The following ATP11B variants were observed in gnomAD, a reference collection of about 807,000 sequenced individuals.
The protein encoded by ATP11B is phospholipid-transporting ATPase IF.
ATP11B carries 81 observed loss-of-function variants against 157.8 expected under a neutral mutation model. The observed-to-expected ratio is 0.51, with a 90% CI of 0.43 to 0.62. The LOEUF is 0.62. Among genes scored for constraint, ATP11B ranks in the 20% least tolerant of loss-of-function variants. The probability of loss-of-function intolerance (pLI) is 0.00; values close to 1 mark genes in which losing one functional copy is unlikely to be tolerated. For missense variants in ATP11B, 1,165 were observed against 1,402.2 expected (o/e 0.83, Z 2.70); for synonymous variants, 451 against 469.4 (o/e 0.96, Z 0.51).
At chr3:182,907,166 C>T (rs1400480527) in intron 28 of ATP11B, among the ~76,000 whole-genome samples, 2 of 151,918 alleles carry the variant, frequency 1.3e-5, no homozygotes, top group East Asian at 3.9e-4. Context: ...ATAACCCTGA[C>T]AACCATTTCG....
chr3:182,793,707 TG>T lies in ATP11B; in HGVS notation c.-52del. On this transcript the variant is annotated 5_prime_UTR_variant, in exon 1 of 30. Coordinates refer to ENST00000323116, the MANE Select transcript of ATP11B (RefSeq NM_014616.3). ...CGCCTCTGTCTTGTCGGCCTCCACC[TG>T]CAGCCCCGCGGCCCCCGCGCCCCGC... The T allele has an allele frequency of 7.5e-7, 1 of 1,333,198 alleles. No homozygotes were observed. Among genetic ancestry groups the T allele is most frequent in the Non-Finnish European group, 9.9e-7 (1 of 1,009,800 alleles). The allele number at this position is 1,333,198 out of a possible 1,614,324, so 82.6% of individuals were successfully genotyped here.
At chr3:182,875,450 G>C (rs1490949520) in intron 19 of ATP11B, among the ~76,000 whole-genome samples, 2 of 152,022 alleles carry the variant, frequency 1.3e-5, no homozygotes, top group African/African-American at 2.4e-5. Flanking sequence ...GTTGTTGTTT[G>C]TTTGTTTTTT....
chr3:182,830,659 A>G (rs1252622170), intron 4 of ATP11B, among the ~76,000 whole-genome samples: 1 of 152,192 alleles, frequency 6.6e-6, no homozygotes, highest in Non-Finnish European at 1.5e-5. Context: ...ATAAGGCATA[A>G]ATTGACATGG....
chr3:182,869,571 AT>A (rs1269209004), intron 17 of ATP11B, among the ~76,000 whole-genome samples: 5 of 152,192 alleles, frequency 3.3e-5, no homozygotes, highest in Admixed American at 3.3e-4. Flanking sequence ...AAACTATGCT[AT>A]TTTAGAAGAG....
rs1247041686 is a variant in ATP11B at position 182,844,999 on chromosome 3, T to A, written c.705-459T>A. Among the ~76,000 whole-genome samples the A allele has an allele frequency of 3.9e-4, 46 of 117,986 alleles. 1 individual carries two copies. Among genetic ancestry groups the A allele is most frequent in the East Asian group, 1.3e-3 (6 of 4,794 alleles). The allele number at this position is 117,986 out of a possible 152,430, so 77.4% of individuals were successfully genotyped here. A position where few individuals can be genotyped will look rare whatever the true frequency, so the allele number is the denominator to read the frequency against. On this transcript the variant is annotated intron_variant, in intron 8 of 29. Transcript: ENST00000323116. ...TAGGCAGCCTTTTTTTTTTTATTTT[T>A]TTTTTTATTTTTTTTTATTTTTGAG...
At chr3:182,868,707 G>T (rs1721425321) in intron 15 of ATP11B, among the ~76,000 whole-genome samples, 1 of 152,174 alleles carries the variant, frequency 6.6e-6, no homozygotes, top group Non-Finnish European at 1.5e-5. Flanking sequence ...ATGGAGCTGG[G>T]CAGATCTGGA....
chr3:182,914,393 A>G (rs904160588), intron 29 of ATP11B: 13 of 986,446 alleles, frequency 1.3e-5, no homozygotes, highest in African/African-American at 1.7e-5. Flanking sequence ...TAATCTCAAC[A>G]TAACAGTGAA....
chr3:182,814,134 C>T (rs2108493277), intron 1 of ATP11B, among the ~76,000 whole-genome samples: 1 of 152,208 alleles, frequency 6.6e-6, no homozygotes, highest in African/African-American at 2.4e-5. Context: ...GCAATCTTGG[C>T]TCACTTGCAA....
At chr3:182,866,539 G>A (rs895155338) in intron 14 of ATP11B, 96 bp downstream of exon 14, 29 of 1,034,916 alleles carry the variant, frequency 2.8e-5, no homozygotes, top group East Asian at 1.5e-4. Context: ...ACATAAATTC[G>A]TCATTTTAAG....
intron 1 of ATP11B, among the ~76,000 whole-genome samples, chr3:182,807,250 G>T (rs111473318): frequency 6.6e-6 from 1 of 152,038 alleles, no homozygotes; most frequent in Non-Finnish European, 1.5e-5. Flanking sequence ...TCTTAAATCT[G>T]CCTGAAAGTG....
chr3:182,858,580 A>G (rs2108533303), intron 11 of ATP11B, among the ~76,000 whole-genome samples: 1 of 152,284 alleles, frequency 6.6e-6, no homozygotes, highest in South Asian at 2.1e-4. Flanking sequence ...ATCTCAAGAA[A>G]CTACAAAGCA....
At chr3:182,830,287 C>A (rs1718033407) in intron 4 of ATP11B, among the ~76,000 whole-genome samples, 1 of 150,020 alleles carries the variant, frequency 6.7e-6, no homozygotes, top group South Asian at 2.1e-4. Flanking sequence ...TATGTCACTG[C>A]ACTCCCACCT....
intron 2 of ATP11B, among the ~76,000 whole-genome samples, chr3:182,824,879 A>G (rs1717610523): frequency 1.3e-5 from 2 of 152,210 alleles, no homozygotes; most frequent in African/African-American, 2.4e-5. Flanking sequence ...GTTAGCCACA[A>G]TTTTTAAAAT....
intron 24 of ATP11B, among the ~76,000 whole-genome samples, chr3:182,887,970 G>A (rs73054639): frequency 0.14 from 20,900 of 152,024 alleles, 1,758 homozygotes; most frequent in African/African-American, 0.24. Context: ...ACTTACTCTC[G>A]CAAACCAGTA....
intron 1 of ATP11B, among the ~76,000 whole-genome samples, chr3:182,814,520 A>T (rs902729041): frequency 6.6e-6 from 1 of 152,208 alleles, no homozygotes; most frequent in Non-Finnish European, 1.5e-5. Context: ...AGAATTTTAC[A>T]ATCTGAGCAG....
intron 22 of ATP11B, 152 bp from the exon 23 acceptor site, chr3:182,885,799 C>A (rs1722758130): frequency 2.2e-6 from 1 of 462,800 alleles, no homozygotes; most frequent in Non-Finnish European, 3.8e-6. Context: ...GGGAATCCTG[C>A]ATTCCTGTTA....
At chr3:182,877,460 A>G (rs369123718) in intron 19 of ATP11B, among the ~76,000 whole-genome samples, 22 of 152,292 alleles carry the variant, frequency 1.4e-4, no homozygotes, top group Admixed American at 7.9e-4. Flanking sequence ...TGGGCAACAT[A>G]GTGAAACCCC....
chr3:182,836,455 A>C lies in ATP11B; in HGVS notation c.537A>C (p.Gly179=), dbSNP rs749034862. 8.1e-6 allele frequency: 13 copies of C among 1,613,868 alleles called. No homozygotes were observed. In the Admixed American group the frequency reaches 8.3e-5, roughly 10 times the overall value. ...ACGTTACAACTGCTAGTTTGGACGG[A>C]GAAACTAACCTGAAGGTTTGCTTGC... The part of the protein sequence containing the change: ...SCHVTTASLD[G]ETNLKTHVAV... Residue 179 remains glycine, a synonymous_variant, in exon 6 of 30, where the codon GGA becomes GGC. Coordinates refer to ENST00000323116, the MANE Select transcript of ATP11B (RefSeq NM_014616.3).
chr3:182,795,116 T>C (rs937140271), intron 1 of ATP11B, among the ~76,000 whole-genome samples: 7 of 152,320 alleles, frequency 4.6e-5, no homozygotes, highest in Admixed American at 3.9e-4. Context: ...GCATTGTAAA[T>C]TCAGATATCC....
Sources: gnomAD v4.1 joint callset for allele counts (sites outside exome capture counted in the v4.1 genomes callset) on GRCh38, gnomAD v4.1.1 for gene constraint, MANE v1.5 for transcripts, NCBI Gene and HGNC (gene_info 2026-07-23, HGNC 2026-07-21) for gene names.